The following SOX6 variants were observed in gnomAD, a reference collection of about 807,000 sequenced individuals.
SOX6 encodes transcription factor SOX-6.
In SOX6, 11 loss-of-function variants were observed where a neutral mutation model predicts 97.8. The observed-to-expected ratio is 0.11, with a 90% CI of 0.07 to 0.19. The LOEUF is 0.19. Ranked by LOEUF, SOX6 falls within the 10% of genes least tolerant of loss-of-function variation. SOX6 has a pLI of 1.00. For synonymous variants in SOX6, 360 were observed against 371.4 expected, an observed-to-expected ratio of 0.97 and a Z score of 0.35; for missense variants, 810 against 1,039.5, an observed-to-expected ratio of 0.78 and a Z score of 3.04.
At chr11:16,603,875 G>T (rs1321362730) in intron 4 of SOX6, among the ~76,000 whole-genome samples, 1 of 152,164 alleles carries the variant, frequency 6.6e-6, no homozygotes, top group Non-Finnish European at 1.5e-5. Flanking sequence ...TCTCTGCCAC[G>T]GCCTCCCGAG....
chr11:16,161,735 T>A (rs1174899411), intron 6 of SOX6, among the ~76,000 whole-genome samples: 1 of 152,348 alleles, frequency 6.6e-6, no homozygotes, highest in South Asian at 2.1e-4. Flanking sequence ...TCCTTTGACA[T>A]AACTAGAACC....
chr11:16,244,474 T>C (rs1432749312), intron 3 of SOX6, among the ~76,000 whole-genome samples: 1 of 151,780 alleles, frequency 6.6e-6, no homozygotes, highest in African/African-American at 2.4e-5. Flanking sequence ...TAATGACTAG[T>C]ATTTTCTGGA....
chr11:16,201,402 G>A (rs950544967), intron 4 of SOX6, among the ~76,000 whole-genome samples: 1 of 151,582 alleles, frequency 6.6e-6, no homozygotes, highest in Non-Finnish European at 1.5e-5. Flanking sequence ...TTATGTAGCT[G>A]GCAAGCTGAA....
chr11:16,495,905 C>A lies in SOX6; in HGVS notation n.610-19517G>T, dbSNP rs9971473. On this transcript the variant is annotated intron_variant and non_coding_transcript_variant, in intron 4 of 5. Transcript: ENST00000524520. ...GCCCATCTGGTGTCCCTGTCTCCAA[C>A]AAAATATCACCACAGCCTCCACTAA... Among the ~76,000 whole-genome samples, 1,241 of 152,276 alleles carry A rather than the reference C, an allele frequency of 8.1e-3. 17 individuals carry two copies. The highest frequency in any genetic ancestry group is 0.028 in the African/African-American group (1,184 of 41,546).
intron 4 of SOX6, among the ~76,000 whole-genome samples, chr11:16,589,979 C>T (rs763641871): frequency 6.6e-6 from 1 of 152,110 alleles, no homozygotes; most frequent in Non-Finnish European, 1.5e-5. Flanking sequence ...GTTCTTCCTG[C>T]TGCTATAAAA....
In SOX6 at chr11:16,010,308, T is replaced by C. The variant is rs1008372329; in HGVS notation, c.1732+4634A>G. ...AGGGTATTCTTGGTACACATATCTA[T>C]TTCCATTTGAATCAATGCAAAGTTT... On this transcript the variant is annotated intron_variant, in intron 13 of 15. Coordinates refer to ENST00000683767, the MANE Select transcript of SOX6 (RefSeq NM_001367873.1). Among the ~76,000 whole-genome samples the C allele has an allele frequency of 1.3e-5, 2 of 152,030 alleles. 1 individual carries two copies. The highest frequency in any genetic ancestry group is 1.3e-4 in the Admixed American group (2 of 15,236).
intron 2 of SOX6, among the ~76,000 whole-genome samples, chr11:16,325,317 G>C (rs1200266761): frequency 2.0e-5 from 3 of 152,062 alleles, no homozygotes; most frequent in Admixed American, 2.0e-4. Flanking sequence ...AAGTGTAAAT[G>C]TGCTCCCCCA....
chr11:16,091,568 T>C (rs1045653580), intron 9 of SOX6, among the ~76,000 whole-genome samples: 1 of 152,070 alleles, frequency 6.6e-6, no homozygotes, highest in Non-Finnish European at 1.5e-5. Flanking sequence ...TACTTTCCAT[T>C]TGTAGCACAA....
intron 6 of SOX6, among the ~76,000 whole-genome samples, chr11:16,152,361 G>C (rs1039673178): frequency 2.6e-5 from 4 of 152,222 alleles, no homozygotes; most frequent in Non-Finnish European, 4.4e-5. Context: ...TCAGTATCTG[G>C]AGAACCCAAA....
chr11:15,980,682 A>G (rs1853628797), intron 15 of SOX6, among the ~76,000 whole-genome samples: 1 of 151,926 alleles, frequency 6.6e-6, no homozygotes, highest in Non-Finnish European at 1.5e-5. Flanking sequence ...GCTCTCCTCT[A>G]TGCTAAAGCA....
intron 3 of SOX6, among the ~76,000 whole-genome samples, chr11:16,276,564 GAAT>G (rs1854405970): frequency 1.3e-5 from 2 of 152,096 alleles, no homozygotes; most frequent in Admixed American, 1.3e-4. Flanking sequence ...GGTATAAATA[GAAT>G]AATTCTTCGT....
chr11:16,579,568 TTC>T (rs1848012569), intron 4 of SOX6, among the ~76,000 whole-genome samples: 1 of 152,100 alleles, frequency 6.6e-6, no homozygotes, highest in Admixed American at 6.6e-5. Context: ...CTTTAGCTGT[TTC>T]TCTCTTTACT....
chr11:15,979,042 CAT>C (rs57062569), intron 15 of SOX6, among the ~76,000 whole-genome samples: 6,633 of 107,036 alleles, frequency 0.062, 538 homozygotes, highest in East Asian at 0.41. Context: ...ATATATTTTA[CAT>C]ATATATATAT....
rs533209949 is a variant in SOX6, at chr11:16,037,546, C to T, written c.1623+8968G>A. On this transcript the variant is annotated intron_variant, in intron 12 of 15. Coordinates refer to ENST00000683767, the MANE Select transcript of SOX6 (RefSeq NM_001367873.1). ...AGAAAATGGATTTTAAATGCATAAT[C>T]CTGAGTACCTGGCTTATAGTTTCAT... 1.8e-3 allele frequency among the ~76,000 whole-genome samples: 276 copies of T among 152,252 alleles called. 2 individuals are homozygous for T. Among genetic ancestry groups the T allele is most frequent in the Middle Eastern group, 0.014 (4 of 294 alleles).
chr11:16,323,469 G>T (rs1855984118), intron 2 of SOX6, among the ~76,000 whole-genome samples: 1 of 152,108 alleles, frequency 6.6e-6, no homozygotes, highest in African/African-American at 2.4e-5. Context: ...AATTTAAGTA[G>T]CCATCTCATG....
chr11:16,020,494 T>C (rs1216961909), intron 12 of SOX6, among the ~76,000 whole-genome samples: 1 of 152,132 alleles, frequency 6.6e-6, no homozygotes, highest in African/African-American at 2.4e-5. Flanking sequence ...AGATCTTTCA[T>C]ACACTGCTCC....
intron 3 of SOX6, among the ~76,000 whole-genome samples, chr11:16,667,064 TAA>T (rs35241540): frequency 1.4e-5 from 2 of 142,368 alleles, no homozygotes; most frequent in African/African-American, 2.6e-5. Flanking sequence ...ACCAAAAAAT[TAA>T]AAAAAAAAAA....
At chr11:16,287,257 GTCTCTCTCTCTCTCTCTCTCTCTC>G (rs56921161) in intron 3 of SOX6, among the ~76,000 whole-genome samples, 4 of 120,526 alleles carry the variant, frequency 3.3e-5, no homozygotes, top group East Asian at 2.5e-4. Flanking sequence ...TCTTCTCTCT[GTCTCTCTCTCTCTCTCTCTCTCTC>G]TCTCTCTCTC....
chr11:16,167,331 C>T (rs2124202), intron 6 of SOX6, among the ~76,000 whole-genome samples: 1 of 151,854 alleles, frequency 6.6e-6, no homozygotes, highest in Non-Finnish European at 1.5e-5. Flanking sequence ...CTAGAATTGA[C>T]TTCTCACTAT....
Sources: allele counts gnomAD v4.1 joint callset (sites outside exome capture counted in the v4.1 genomes callset), GRCh38; gene constraint gnomAD v4.1.1; transcripts MANE v1.5; gene names NCBI Gene and HGNC (gene_info 2026-07-23, HGNC 2026-07-21).